Variants in CLSTN2 observed in about 807,000 individuals in gnomAD.
CLSTN2 encodes the protein calsyntenin-2.
A neutral mutation model predicts 101.2 loss-of-function variants in CLSTN2; 48 were observed. That is an observed-to-expected ratio of 0.47 (90% CI 0.38 to 0.60). CLSTN2 has a LOEUF of 0.60. CLSTN2 is among the 20% of genes least tolerant of loss of function. The probability of loss-of-function intolerance (pLI) is 0.00; values close to 1 mark genes in which losing one functional copy is unlikely to be tolerated. For synonymous variants in CLSTN2, 481 were observed against 463.6 expected (o/e 1.04, Z -0.48); for missense variants, 1,160 against 1,238.2 (o/e 0.94, Z 0.95).
chr3:140,197,623 C>T (rs1268315890), intron 2 of CLSTN2, among the ~76,000 whole-genome samples: 1 of 152,120 alleles, frequency 6.6e-6, no homozygotes, highest in African/African-American at 2.4e-5. Flanking sequence ...TCTTCAGAAG[C>T]TTGTTAACAA....
At chr3:140,186,533 T>C (rs1439457241) in intron 2 of CLSTN2, among the ~76,000 whole-genome samples, 1 of 152,182 alleles carries the variant, frequency 6.6e-6, no homozygotes, top group East Asian at 1.9e-4. Context: ...ACTGAATACC[T>C]TGGCATGAGT....
intron 5 of CLSTN2, among the ~76,000 whole-genome samples, chr3:140,428,343 G>C (rs1049059144): frequency 1.5e-4 from 23 of 150,992 alleles, no homozygotes. Context: ...ATTGTTGCAA[G>C]TCAGATTTTG....
At chr3:140,564,871 T>A (rs535794730) in intron 16 of CLSTN2, among the ~76,000 whole-genome samples, 1 of 152,334 alleles carries the variant, frequency 6.6e-6, no homozygotes, top group African/African-American at 2.4e-5. Flanking sequence ...CTCTACATCA[T>A]GCCCTTTGCC....
chr3:140,099,483 A>T (rs1466909460), intron 1 of CLSTN2, among the ~76,000 whole-genome samples: 2 of 152,094 alleles, frequency 1.3e-5, no homozygotes, highest in Non-Finnish European at 2.9e-5. Flanking sequence ...ATAATCCAGG[A>T]TGATCTTGTT....
At chr3:140,304,735 G>C (rs2107912150) in intron 2 of CLSTN2, among the ~76,000 whole-genome samples, 1 of 152,208 alleles carries the variant, frequency 6.6e-6, no homozygotes, top group East Asian at 1.9e-4. Context: ...TTTTCTCATT[G>C]AATCAGCGCA....
At chr3:140,086,771 G>A (rs1424204314) in intron 1 of CLSTN2, among the ~76,000 whole-genome samples, 4 of 152,108 alleles carry the variant, frequency 2.6e-5, no homozygotes, top group African/African-American at 4.8e-5. Flanking sequence ...TTGAAAATTA[G>A]GACTTTTGTC....
At chr3:140,008,665 G>C (rs2007009383) in intron 1 of CLSTN2, among the ~76,000 whole-genome samples, 1 of 152,242 alleles carries the variant, frequency 6.6e-6, no homozygotes, top group Non-Finnish European at 1.5e-5. Flanking sequence ...AGGGCTTCCA[G>C]AGTTTCAAAG....
chr3:140,019,339 A>G (rs2007262267), intron 1 of CLSTN2, among the ~76,000 whole-genome samples: 1 of 152,174 alleles, frequency 6.6e-6, no homozygotes, highest in Admixed American at 6.5e-5. Flanking sequence ...CAATCATTTG[A>G]AGGCCTGAAT....
intron 2 of CLSTN2, among the ~76,000 whole-genome samples, chr3:140,328,242 T>C (rs1435365143): frequency 1.3e-5 from 2 of 152,170 alleles, no homozygotes; most frequent in African/African-American, 2.4e-5. Context: ...TTTTTCTTTT[T>C]AATCTTTCCC....
intron 4 of CLSTN2, among the ~76,000 whole-genome samples, chr3:140,409,298 C>T (rs996641365): frequency 6.6e-6 from 1 of 152,232 alleles, no homozygotes; most frequent in Non-Finnish European, 1.5e-5. Flanking sequence ...GCTGCCTGCA[C>T]GAGTCCTTTG....
intron 1 of CLSTN2, among the ~76,000 whole-genome samples, chr3:140,025,829 G>T (rs1020657631): frequency 6.6e-6 from 1 of 152,188 alleles, no homozygotes; most frequent in South Asian, 2.1e-4. Context: ...GTTTCAAGAT[G>T]AACATGCGAT....
At chr3:140,548,256 C>G (rs1935639211) in intron 10 of CLSTN2, among the ~76,000 whole-genome samples, 1 of 152,234 alleles carries the variant, frequency 6.6e-6, no homozygotes, top group Non-Finnish European at 1.5e-5. Flanking sequence ...GTGACCCAAG[C>G]AGACATTTGT....
chr3:140,525,113 C>T (rs914968097), intron 8 of CLSTN2, among the ~76,000 whole-genome samples: 1 of 152,026 alleles, frequency 6.6e-6, no homozygotes, highest in Non-Finnish European at 1.5e-5. Context: ...GAGAACTGAA[C>T]AAAATTAGAC....
At chr3:140,266,960 A>G (rs1202115629) in intron 2 of CLSTN2, among the ~76,000 whole-genome samples, 1 of 152,224 alleles carries the variant, frequency 6.6e-6, no homozygotes, top group African/African-American at 2.4e-5. Flanking sequence ...TTGGCTCAGT[A>G]GAGGACAGTA....
At chr3:140,134,420 ATC>A (rs1212090829) in intron 1 of CLSTN2, among the ~76,000 whole-genome samples, 1 of 152,018 alleles carries the variant, frequency 6.6e-6, no homozygotes, top group Non-Finnish European at 1.5e-5. Flanking sequence ...ATTAGGACTA[ATC>A]TCCAACCCCC....
At chr3:140,158,584 G>C (rs774020600) in intron 1 of CLSTN2, among the ~76,000 whole-genome samples, 4 of 152,120 alleles carry the variant, frequency 2.6e-5, no homozygotes, top group South Asian at 2.1e-4. Flanking sequence ...CTCATGGATT[G>C]GGAGAATAAA....
chr3:140,206,646 T>C (rs1433891970), intron 2 of CLSTN2, among the ~76,000 whole-genome samples: 1 of 152,000 alleles, frequency 6.6e-6, no homozygotes, highest in Non-Finnish European at 1.5e-5. Flanking sequence ...AAGTATCTGA[T>C]AAATGTGCTG....
chr3:140,171,759 A>ATATAATATGTATTATATAATG (rs2010228597), intron 1 of CLSTN2, among the ~76,000 whole-genome samples: 1 of 79,050 alleles, frequency 1.3e-5, no homozygotes, highest in Non-Finnish European at 2.5e-5. Context: ...TATGTATAAT[A>ATATAATATGTATTATATAATG]TATAATATAT....
At chr3:140,046,557 T>A (rs1024442591) in intron 1 of CLSTN2, among the ~76,000 whole-genome samples, 1 of 152,248 alleles carries the variant, frequency 6.6e-6, no homozygotes, top group Non-Finnish European at 1.5e-5. Flanking sequence ...CCTGTCATTA[T>A]GTTGTTAGCT....
Sources: gnomAD v4.1 joint callset for allele counts (sites outside exome capture counted in the v4.1 genomes callset) on GRCh38, gnomAD v4.1.1 for gene constraint, MANE v1.5 for transcripts, NCBI Gene and HGNC (gene_info 2026-07-23, HGNC 2026-07-21) for gene names.